The following MYH7B variants were observed in gnomAD, a reference collection of about 807,000 sequenced individuals.
The protein encoded by MYH7B is myosin heavy chain 7B.
A neutral mutation model predicts 234.5 loss-of-function variants in MYH7B; 205 were observed. The observed-to-expected ratio is 0.87, with a 90% CI of 0.78 to 0.98. MYH7B has a LOEUF of 0.98. MYH7B is among the 50% of genes least tolerant of loss of function. The pLI is 0.00. For missense variants in MYH7B, 2,652 were observed against 2,633.4 expected (o/e 1.01, Z -0.15); for synonymous variants, 1,193 against 1,105.0 (o/e 1.08, Z -1.58).
chr20:34,992,546 TC>T (rs1176847755), intron 24 of MYH7B, among the ~76,000 whole-genome samples: 9 of 145,234 alleles, frequency 6.2e-5, no homozygotes, highest in Non-Finnish European at 9.0e-5. Context: ...GCATTTAAAA[TC>T]CCCCCAAGGT....
At position 34,998,291 on chromosome 20, in the gene MYH7B, C is replaced by T. The variant is rs779182690; in HGVS notation, c.3748-4C>T. 3 of 1,613,792 alleles carry T rather than the reference C, an allele frequency of 1.9e-6. No homozygotes were observed. In the Admixed American group the frequency reaches 5.0e-5, roughly 27 times the overall value. ...GACCCCTGACTCCCAACCTGGGATC[C>T]TAGGCCAGTGCAGAGAAGCTGTGCC... is the stretch of plus-strand genomic sequence containing the variant. On this transcript the variant is annotated splice_polypyrimidine_tract_variant and splice_region_variant and intron_variant, in intron 32 of 44. Transcript: ENST00000262873.
At chr20:34,999,761 C>CA in intron 37 of MYH7B, 30 bp from the exon 38 acceptor site, 2 of 1,014,650 alleles carry the variant, frequency 2.0e-6, no homozygotes, top group East Asian at 3.4e-5. Context: ...CCCCCCCCCC[C>CA]ACCCTACCCT....
chr20:34,993,080 C>A, intron 24 of MYH7B, 22 bp from the exon 25 acceptor site: 1 of 1,604,394 alleles, frequency 6.2e-7, no homozygotes, highest in African/African-American at 1.3e-5. Flanking sequence ...CTCTCCTGAC[C>A]AGCTCTGCCC....
intron 14 of MYH7B, among the ~76,000 whole-genome samples, chr20:34,986,615 C>T (rs1353141887): frequency 3.3e-5 from 5 of 152,178 alleles, no homozygotes; most frequent in African/African-American, 7.2e-5. Context: ...ATGAGTGAGA[C>T]GTGAGGACTG....
chr20:34,998,494 C>A lies in MYH7B; in HGVS notation c.3875-17C>A, dbSNP rs199952304. 13 of 1,613,058 alleles carry A rather than the reference C, an allele frequency of 8.1e-6. No homozygotes were observed. In the South Asian group the frequency reaches 1.4e-4, roughly 18 times the overall value. On this transcript the variant is annotated splice_polypyrimidine_tract_variant and intron_variant, in intron 33 of 44. Transcript: ENST00000262873. ...CCCTCACCAGCCTGACCTGTCCGCT[C>A]GCCTCTTTGCCTGCAGGGGAGCTGA...
intron 5 of MYH7B, 99 bp downstream of exon 5, chr20:34,978,195 G>C: frequency 1.4e-6 from 2 of 1,423,172 alleles, no homozygotes; most frequent in South Asian, 2.5e-5. Flanking sequence ...GGGCTGAAGG[G>C]GCATTGGGGC....
chr20:35,001,028 C>T, exon 41 of MYH7B: 2 of 1,613,834 alleles, frequency 1.2e-6, no homozygotes, highest in Non-Finnish European at 1.7e-6. Flanking sequence ...GAGCAGGACA[C>T]AAGTGCACAC....
At chr20:34,964,633 C>T (rs2081726732) in intron 2 of MYH7B, among the ~76,000 whole-genome samples, 1 of 152,158 alleles carries the variant, frequency 6.6e-6, no homozygotes, top group Non-Finnish European at 1.5e-5. Flanking sequence ...AAGAGAATTC[C>T]TGGGACTGGG....
At position 34,993,308 on chromosome 20, in the gene MYH7B, C is replaced by T; in HGVS notation, c.2308-26C>T. On this transcript the variant is annotated intron_variant, in intron 25 of 44. Coordinates refer to ENST00000262873, the Ensembl canonical transcript of MYH7B. ...TTCATGCGGATGGTTGGGGGTTACC[C>T]TGGCTGTCTACCTCTCCGCCCCCAG... The T allele has an allele frequency of 1.9e-6, 3 of 1,614,080 alleles. No individual in the cohort carries two copies. In the South Asian group the frequency reaches 3.3e-5, roughly 18 times the overall value.
At chr20:34,989,710 G>A in intron 19 of MYH7B, 30 bp from the exon 20 acceptor site, 2 of 1,603,974 alleles carry the variant, frequency 1.2e-6, no homozygotes, top group Non-Finnish European at 8.5e-7. Context: ...CTGGCTTGAT[G>A]GTGGCTTTTC....
intron 24 of MYH7B, among the ~76,000 whole-genome samples, chr20:34,992,318 A>G (rs1162955405): frequency 6.7e-6 from 1 of 149,936 alleles, no homozygotes; most frequent in Non-Finnish European, 1.5e-5. Flanking sequence ...CCCGGGAGGC[A>G]GAGCTTGCAG....
intron 2 of MYH7B, among the ~76,000 whole-genome samples, chr20:34,961,133 G>A (rs1206771516): frequency 1.3e-5 from 2 of 152,122 alleles, no homozygotes; most frequent in Non-Finnish European, 2.9e-5. Context: ...GGACACAGAA[G>A]GTTAGAAAGG....
At chr20:34,995,288 G>A (rs757649359) in intron 27 of MYH7B, 48 bp from the exon 28 acceptor site, 75 of 1,585,824 alleles carry the variant, frequency 4.7e-5, no homozygotes, top group Admixed American at 3.8e-4. Context: ...CTCTCTGCTG[G>A]TTTACCTGGC....
At chr20:34,983,293 CTTTTCTT>C (rs1268263730) in intron 10 of MYH7B, among the ~76,000 whole-genome samples, 82 of 100,356 alleles carry the variant, frequency 8.2e-4, no homozygotes, top group African/African-American at 3.7e-3. Context: ...CTTTTCTTTT[CTTTTCTT>C]TTTTTTTTTT....
chr20:34,997,086 G>C lies in MYH7B; in HGVS notation c.3270G>C (p.Lys1090Asn), dbSNP rs1044266015. 5 of 1,548,492 alleles carry C rather than the reference G, an allele frequency of 3.2e-6. No individual in the cohort carries two copies. Among genetic ancestry groups the C allele is most frequent in the Admixed American group, 2.0e-5 (1 of 50,962 alleles). Residue 1090 changes from lysine (K) to asparagine (N), a missense_variant, in exon 31 of 45, where the codon AAG becomes AAC. Lys to Asn is a moderately conservative substitution (Grantham distance 94). Transcript: ENST00000262873. Reference sequence around the variant, plus strand: ...CCACCCACTCTGTGGCTCCCAGGAAGGACTCCGAGCTGAGCCAGCTGAGCC... The same window carrying C: ...CCACCCACTCTGTGGCTCCCAGGAACGACTCCGAGCTGAGCCAGCTGAGCC...
intron 2 of MYH7B, among the ~76,000 whole-genome samples, chr20:34,974,602 G>A (rs1409706592): frequency 6.6e-6 from 1 of 152,122 alleles, no homozygotes; most frequent in African/African-American, 2.4e-5. Flanking sequence ...CACATGATAG[G>A]TGTAAGTTAG....
rs768273339 is a variant in MYH7B, at chr20:34,980,740, G to A, written c.499+6G>A. 1.9e-6 allele frequency: 3 copies of A among 1,612,082 alleles called. No individual in the cohort carries two copies. The highest frequency in any genetic ancestry group is 1.3e-5 in the African/African-American group (1 of 75,002). ...CTACAACGACATGCTGCGCAGTAAGGGCCGCCTGGACTCCTCCCCAACCGC... is the reference window on the plus strand; with the variant it reads ...CTACAACGACATGCTGCGCAGTAAGAGCCGCCTGGACTCCTCCCCAACCGC... On this transcript the variant is annotated splice_donor_region_variant and intron_variant, in intron 8 of 44. Transcript: ENST00000262873.
intron 9 of MYH7B, chr20:34,981,576 C>T (rs564974702): frequency 6.5e-6 from 1 of 154,474 alleles, no homozygotes; most frequent in South Asian, 2.0e-4. Flanking sequence ...CTTGGCCGGG[C>T]ACAGTGGCTC....
intron 22 of MYH7B, 168 bp downstream of exon 22, chr20:34,990,478 C>A: frequency 1.1e-6 from 1 of 925,020 alleles, no homozygotes; most frequent in Non-Finnish European, 1.8e-6. Flanking sequence ...CTTCCCGTCC[C>A]TACGCTGCCT....
Sources: gnomAD v4.1 joint callset for allele counts (sites outside exome capture counted in the v4.1 genomes callset) on GRCh38, gnomAD v4.1.1 for gene constraint, MANE v1.5 for transcripts, NCBI Gene and HGNC (gene_info 2026-07-23, HGNC 2026-07-21) for gene names.